The following RAB3C variants were observed in gnomAD, a reference collection of about 807,000 sequenced individuals.
The protein encoded by RAB3C is RAB3C, member RAS oncogene family, also known as ras-related protein Rab-3C.
In RAB3C, 17 loss-of-function variants were observed where a neutral mutation model predicts 26.4. The ratio of observed to expected loss-of-function variants is 0.64; its 90% confidence interval spans 0.44 to 0.97. RAB3C has a LOEUF of 0.97. RAB3C is among the 50% of genes least tolerant of loss of function. The pLI, the probability that RAB3C is intolerant of heterozygous loss-of-function variation, is 0.00. For synonymous variants in RAB3C, 91 were observed against 95.9 expected, an observed-to-expected ratio of 0.95 and a Z score of 0.30; for missense variants, 242 against 281.9, an observed-to-expected ratio of 0.86 and a Z score of 1.01.
chr5:58,608,923 C>G (rs1281450754), intron 1 of RAB3C, among the ~76,000 whole-genome samples: 1 of 152,108 alleles, frequency 6.6e-6, no homozygotes, highest in Non-Finnish European at 1.5e-5. Context: ...TCATTCTCAG[C>G]AAACTATCAC....
chr5:58,689,530 G>A (rs1748517290), intron 2 of RAB3C, among the ~76,000 whole-genome samples: 1 of 152,016 alleles, frequency 6.6e-6, no homozygotes, highest in African/African-American at 2.4e-5. Flanking sequence ...AAAAAAAAGT[G>A]TATGGCCCAG....
In RAB3C at chr5:58,747,010, T is replaced by C. The variant is rs1055611212; in HGVS notation, c.371+20890T>C. On this transcript the variant is annotated intron_variant, in intron 3 of 4. Transcript: ENST00000282878. The stretch of plus-strand genomic sequence containing the variant: ...AGACTTTTAACATTCTTAATTATTT[T>C]GCCAGAAACTTTTAAGTTCTCTCAT... Among the ~76,000 whole-genome samples the C allele has an allele frequency of 4.6e-5, 7 of 152,332 alleles. No homozygotes were observed. In the Middle Eastern group the frequency reaches 0.01, roughly 222 times the overall value.
chr5:58,751,340 A>C (rs957145627), intron 3 of RAB3C, among the ~76,000 whole-genome samples: 1 of 152,220 alleles, frequency 6.6e-6, no homozygotes, highest in Non-Finnish European at 1.5e-5. Flanking sequence ...GCTTGATGAC[A>C]CATAGTAGGC....
At chr5:58,822,980 A>G (rs1743377014) in intron 3 of RAB3C, 1 of 623,000 alleles carries the variant, frequency 1.6e-6, no homozygotes, top group South Asian at 1.4e-5. Flanking sequence ...CACTGGCAAT[A>G]AAGTTTTTGG....
At chr5:58,731,156 G>C (rs552505219) in intron 3 of RAB3C, among the ~76,000 whole-genome samples, 3 of 152,240 alleles carry the variant, frequency 2.0e-5, no homozygotes, top group Admixed American at 6.5e-5. Flanking sequence ...AGCAAGCATG[G>C]AGATTCAGAG....
chr5:58,678,639 C>T (rs1205119081), intron 2 of RAB3C, among the ~76,000 whole-genome samples: 1 of 152,164 alleles, frequency 6.6e-6, no homozygotes, highest in Non-Finnish European at 1.5e-5. Flanking sequence ...TTTTGAATTA[C>T]TAATAAATAT....
chr5:58,626,491 T>C (rs1484549070), intron 2 of RAB3C, among the ~76,000 whole-genome samples: 1 of 152,178 alleles, frequency 6.6e-6, no homozygotes, highest in Non-Finnish European at 1.5e-5. Flanking sequence ...GACAAAAATA[T>C]CACACAGTGG....
chr5:58,737,765 T>G (rs189451437), intron 3 of RAB3C, among the ~76,000 whole-genome samples: 1 of 152,238 alleles, frequency 6.6e-6, no homozygotes, highest in Admixed American at 6.5e-5. Flanking sequence ...CAGATCATTA[T>G]GATGAAAACA....
rs1418409327 is a variant in RAB3C, at chr5:58,596,630, A to AATATATT, written c.24+13404_24+13405insTATATAT. On this transcript the variant is annotated intron_variant, in intron 1 of 4. Transcript: ENST00000282878. ...TATAAATATATAATATATAATACAT[A>AATATATT]ATATATAAATATATAATATATAATA... 1.0e-3 allele frequency among the ~76,000 whole-genome samples: 96 copies of AATATATT among 91,880 alleles called. 1 individual carries two copies. Among genetic ancestry groups the AATATATT allele is most frequent in the Non-Finnish European group, 1.5e-3 (76 of 50,562 alleles). The allele number at this position is 91,880 out of a possible 152,430, so 60.3% of individuals were successfully genotyped here. A position where few individuals can be genotyped will look rare whatever the true frequency, so the allele number is the denominator to read the frequency against.
chr5:58,833,427 AT>A (rs1221424765), intron 4 of RAB3C, among the ~76,000 whole-genome samples: 1 of 151,810 alleles, frequency 6.6e-6, no homozygotes, highest in Non-Finnish European at 1.5e-5. Context: ...TCCTTAGGTG[AT>A]TCTAATGTAC....
At position 58,851,514 on chromosome 5, in the gene RAB3C, A is replaced by G. The variant is rs1210808574; in HGVS notation, c.*163A>G. The stretch of plus-strand genomic sequence containing the variant: ...CAATTCTTGGGAGCTTTCCTGTTTA[A>G]TATGTGGCAAATATGTGATCTTAAA... On this transcript the variant is annotated 3_prime_UTR_variant, in exon 5 of 5. Transcript: ENST00000282878. 1.4e-5 allele frequency: 7 copies of G among 499,178 alleles called. No homozygotes were observed. The East Asian group carries it at 2.3e-4, about 16-fold the overall frequency. 30.9% of individuals were successfully genotyped at this position (499,178 alleles called of 1,614,324 possible).
chr5:58,672,951 A>G (rs1282637709), intron 2 of RAB3C, among the ~76,000 whole-genome samples: 2 of 152,154 alleles, frequency 1.3e-5, no homozygotes, highest in African/African-American at 4.8e-5. Flanking sequence ...TCAGTTATTC[A>G]GTTGTTCTTG....
chr5:58,723,900 C>T (rs1740827245), intron 2 of RAB3C, among the ~76,000 whole-genome samples: 2 of 151,692 alleles, frequency 1.3e-5, no homozygotes, highest in African/African-American at 4.8e-5. Context: ...AGTTAGATGC[C>T]AATCTCCAGG....
intron 2 of RAB3C, among the ~76,000 whole-genome samples, chr5:58,636,057 T>C (rs1021895569): frequency 1.3e-5 from 2 of 152,220 alleles, no homozygotes; most frequent in African/African-American, 4.8e-5. Context: ...GTTTGACTCA[T>C]TGCGCTCAAG....
chr5:58,810,014 G>T (rs1429945274), intron 3 of RAB3C, among the ~76,000 whole-genome samples: 4 of 152,180 alleles, frequency 2.6e-5, no homozygotes, highest in South Asian at 2.1e-4. Context: ...GAGCAATAAA[G>T]CAGCCCAGGT....
At chr5:58,609,440 G>T (rs1375166009) in intron 1 of RAB3C, among the ~76,000 whole-genome samples, 1 of 152,124 alleles carries the variant, frequency 6.6e-6, no homozygotes, top group Non-Finnish European at 1.5e-5. Flanking sequence ...GATGCTAATG[G>T]TTGAACTAGT....
At chr5:58,793,499 G>A (rs1742575767) in intron 3 of RAB3C, among the ~76,000 whole-genome samples, 1 of 148,252 alleles carries the variant, frequency 6.7e-6, no homozygotes, top group Admixed American at 6.8e-5. Flanking sequence ...GGAGGTTGCA[G>A]TGAGCCAAGA....
chr5:58,694,376 T>C (rs917164601), intron 2 of RAB3C, among the ~76,000 whole-genome samples: 1 of 152,204 alleles, frequency 6.6e-6, no homozygotes, highest in African/African-American at 2.4e-5. Flanking sequence ...CTATTGTGAA[T>C]AGTGCCGCAA....
At chr5:58,837,557 CTTTTTT>C (rs36020735) in intron 4 of RAB3C, among the ~76,000 whole-genome samples, 1 of 118,898 alleles carries the variant, frequency 8.4e-6, no homozygotes, top group Non-Finnish European at 1.7e-5. Context: ...TTCAGTCTCT[CTTTTTT>C]TTTTTTTTTT....
Sources: allele counts gnomAD v4.1 joint callset (sites outside exome capture counted in the v4.1 genomes callset), GRCh38; gene constraint gnomAD v4.1.1; transcripts MANE v1.5; gene names NCBI Gene and HGNC (gene_info 2026-07-23, HGNC 2026-07-21).